The following KDM2B variants were observed in gnomAD, a reference collection of about 807,000 sequenced individuals.
KDM2B encodes the protein lysine demethylase 2B, also known as lysine-specific demethylase 2B.
KDM2B carries 26 observed loss-of-function variants against 150.0 expected under a neutral mutation model. The observed-to-expected ratio is 0.17, with a 90% CI of 0.13 to 0.24. KDM2B has a LOEUF of 0.24. Ranked by LOEUF, KDM2B falls within the 10% of genes least tolerant of loss-of-function variation. The pLI is 1.00. For synonymous variants in KDM2B, 734 were observed against 729.5 expected, an observed-to-expected ratio of 1.01 and a Z score of -0.10; for missense variants, 1,265 against 1,816.9, an observed-to-expected ratio of 0.70 and a Z score of 5.52.
At chr12:121,495,286 G>A (rs1250133318) in intron 11 of KDM2B, among the ~76,000 whole-genome samples, 5 of 151,870 alleles carry the variant, frequency 3.3e-5, no homozygotes, top group East Asian at 1.9e-4. Flanking sequence ...CCAGCCTCCC[G>A]AGTAGCTGTG....
rs1555288159 is a variant in KDM2B at position 121,441,157 on chromosome 12, T to C, written c.3361A>G (p.Ile1121Val). The C allele has an allele frequency of 1.9e-6, 3 of 1,614,192 alleles. No homozygotes were observed. The highest frequency in any genetic ancestry group is 2.2e-5 in the South Asian group (2 of 91,090). ...AGGGAGACGGGCTGTCGCCGGATGA[T>C]GCCACTCAGCATCAGGGGTGTGATA... is the stretch of plus-strand genomic sequence containing the variant. ...KSITPLMLSG[I>V]IRRQPVSLDL... The change falls in exon 20 of 23, where the codon ATC (isoleucine) becomes GTC (valine). Residue 1121 changes from isoleucine to valine, a missense_variant. Around this residue, in one of 11 missense-constraint regions of KDM2B, gnomAD observed 251 missense variants for 397.8 expected, o/e 0.63. Coordinates refer to ENST00000377071, the MANE Select transcript of KDM2B (RefSeq NM_032590.5).
intron 12 of KDM2B, among the ~76,000 whole-genome samples, chr12:121,460,851 G>A (rs1372274664): frequency 4.6e-5 from 7 of 151,928 alleles, no homozygotes; most frequent in Non-Finnish European, 1.0e-4. Flanking sequence ...ACCACCTCAG[G>A]CTCCCAAAGC....
At chr12:121,417,638 G>C in the KDM2B span, 1 of 1,614,218 alleles carries the variant, frequency 6.2e-7, no homozygotes, top group Non-Finnish European at 8.5e-7. This position sits in a 1 kb window ranked among gnomAD's most constrained non-coding sequence, Gnocchi z 5.0. Flanking sequence ...GACTGAAGGT[G>C]AAGGACCTGC....
intron 12 of KDM2B, among the ~76,000 whole-genome samples, chr12:121,457,101 C>T (rs782573549): frequency 2.0e-5 from 3 of 152,164 alleles, no homozygotes; most frequent in Non-Finnish European, 2.9e-5. Context: ...AACCAGGAAA[C>T]GTGATGGCAG....
At chr12:121,579,826 C>T (rs1181553900) in intron 1 of KDM2B, among the ~76,000 whole-genome samples, 2 of 151,440 alleles carry the variant, frequency 1.3e-5, no homozygotes, top group African/African-American at 4.9e-5. Flanking sequence ...GACTCTAAGC[C>T]TCACAAGGGG....
chr12:121,484,988 C>G (rs909725301), intron 12 of KDM2B, among the ~76,000 whole-genome samples: 4 of 152,062 alleles, frequency 2.6e-5, no homozygotes, highest in Admixed American at 6.6e-5. Flanking sequence ...ATGAGGAAAT[C>G]TGGGCACAGA....
At chr12:121,580,256 G>GC (rs1301973329) in intron 1 of KDM2B, 2 of 1,276,730 alleles carry the variant, frequency 1.6e-6, no homozygotes, top group African/African-American at 1.6e-5. Flanking sequence ...CAGTTGTGGG[G>GC]GGGGGGAGGC....
intron 12 of KDM2B, among the ~76,000 whole-genome samples, chr12:121,470,788 T>G (rs1330258952): frequency 6.6e-6 from 1 of 152,252 alleles, no homozygotes; most frequent in Non-Finnish European, 1.5e-5. Context: ...TAAGTGTCCC[T>G]TACTACATGC....
chr12:121,410,095 G>T, the KDM2B span, among the ~76,000 whole-genome samples: 1 of 151,836 alleles, frequency 6.6e-6, no homozygotes, highest in African/African-American at 2.4e-5. Flanking sequence ...TAGAGGTTGC[G>T]GTGAGCCAAG....
At chr12:121,461,173 G>T (rs1206457582) in intron 12 of KDM2B, among the ~76,000 whole-genome samples, 1 of 152,168 alleles carries the variant, frequency 6.6e-6, no homozygotes, top group Admixed American at 6.6e-5. Context: ...CTGCGTGCCA[G>T]GGGTGGGAGT....
chr12:121,581,199 C>G (rs557386875), upstream of KDM2B: 9 of 333,706 alleles, frequency 2.7e-5, no homozygotes, highest in East Asian at 4.0e-4. Flanking sequence ...GATAGATGCT[C>G]AGGAGCGAAA....
chr12:121,421,132 C>T, the KDM2B span, among the ~76,000 whole-genome samples: 1 of 152,210 alleles, frequency 6.6e-6, no homozygotes, highest in African/African-American at 2.4e-5. Flanking sequence ...GTTCTCTCAA[C>T]TTTTAAATCT....
intron 6 of KDM2B, among the ~76,000 whole-genome samples, chr12:121,546,082 A>G (rs1281411062): frequency 2.6e-5 from 4 of 152,014 alleles, no homozygotes; most frequent in African/African-American, 9.7e-5. Flanking sequence ...GCAAGTTCCC[A>G]TCTATTTCTG....
At chr12:121,536,121 G>A (rs1192761559) in intron 6 of KDM2B, 6 of 985,464 alleles carry the variant, frequency 6.1e-6, no homozygotes, top group Non-Finnish European at 7.2e-6. Flanking sequence ...GGCACGAGTG[G>A]AGATAATGCG....
At chr12:121,412,050 A>G in the KDM2B span, among the ~76,000 whole-genome samples, 1 of 152,098 alleles carries the variant, frequency 6.6e-6, no homozygotes, top group Admixed American at 6.6e-5. Flanking sequence ...ACTTAAAAGA[A>G]CATTAACTTT....
intron 1 of KDM2B, chr12:121,580,541 A>T: frequency 8.9e-7 from 1 of 1,117,554 alleles, no homozygotes; most frequent in Non-Finnish European, 1.1e-6. Flanking sequence ...GCCGAGTTGC[A>T]GGCGGCGGGC....
chr12:121,567,536 C>A (rs1039815904), intron 4 of KDM2B, among the ~76,000 whole-genome samples: 1 of 151,840 alleles, frequency 6.6e-6, no homozygotes, highest in African/African-American at 2.4e-5. Flanking sequence ...AAGCAAGACC[C>A]GTCTCTACAA....
At position 121,537,123 on chromosome 12, in the gene KDM2B, C is replaced by T. The variant is rs1555308865; in HGVS notation, c.684-2533G>A. ...CCTCCCGGTGTCCCTCATTTCCTGG[C>T]CGCCAAGCCTGGCCGCCCCTCCCAC... On this transcript the variant is annotated intron_variant, in intron 6 of 22. Coordinates refer to ENST00000377071, the MANE Select transcript of KDM2B (RefSeq NM_032590.5). The surrounding 1 kb of genome is among the most constrained non-coding windows in gnomAD (Gnocchi z 8.7). Among the ~76,000 whole-genome samples the T allele has an allele frequency of 3.9e-5, 6 of 152,094 alleles. No homozygotes were observed. Among genetic ancestry groups the T allele is most frequent in the Non-Finnish European group, 2.9e-5 (2 of 67,998 alleles).
In KDM2B at chr12:121,578,880, C is replaced by T. The variant is rs202141803; in HGVS notation, c.193G>A (p.Val65Ile). ...TTCTCCTCCAGGCTGAAGCCGCGGA[C>T]GCTGACGATCTCCTCCACGTCCGAC... ...DLSDVEEIVSVRGFSLEEKLR... is the reference protein window; with the variant it reads ...DLSDVEEIVSIRGFSLEEKLR... The change falls in exon 2 of 23, where the codon GTC becomes ATC. Residue 65 changes from valine (V) to isoleucine (I), a missense_variant. By Grantham distance (29) the Val-to-Ile change is conservative. Around this residue, in one of 11 missense-constraint regions of KDM2B, gnomAD observed 214 missense variants for 447.4 expected, o/e 0.48. Transcript: ENST00000377071. The T allele has an allele frequency of 1.9e-6, 3 of 1,612,962 alleles. No homozygotes were observed. Among genetic ancestry groups the T allele is most frequent in the Non-Finnish European group, 1.7e-6 (2 of 1,179,708 alleles).
Sources: allele counts gnomAD v4.1 joint callset (sites outside exome capture counted in the v4.1 genomes callset), GRCh38; gene constraint gnomAD v4.1.1; regional missense constraint gnomAD v4.1.1; non-coding constraint Gnocchi (gnomAD v3.1); transcripts MANE v1.5; gene names NCBI Gene and HGNC (gene_info 2026-07-23, HGNC 2026-07-21).